The following DENND1A variants were observed in gnomAD, a reference collection of about 807,000 sequenced individuals.
The protein encoded by DENND1A is DENN domain containing 1A.
In DENND1A, 51 loss-of-function variants were observed where a neutral mutation model predicts 113.7. The ratio of observed to expected loss-of-function variants is 0.45; its 90% CI spans 0.36 to 0.57. The LOEUF is 0.57. Among genes scored for constraint, DENND1A ranks in the 20% least tolerant of loss-of-function variants. The pLI is 0.00. For missense variants in DENND1A, 1,258 were observed against 1,395.9 expected (o/e 0.90, Z 1.57); for synonymous variants, 565 against 570.8 (o/e 0.99, Z 0.14).
At chr9:123,513,459 A>T (rs1371221191) in intron 13 of DENND1A, among the ~76,000 whole-genome samples, 3 of 152,220 alleles carry the variant, frequency 2.0e-5, no homozygotes, top group Non-Finnish European at 4.4e-5. Flanking sequence ...TTCTCTACAG[A>T]CTTGAGTGCT....
intron 9 of DENND1A, among the ~76,000 whole-genome samples, chr9:123,645,061 TA>T (rs1330232062): frequency 6.6e-6 from 1 of 152,202 alleles, no homozygotes; most frequent in African/African-American, 2.4e-5. Context: ...TTATCATTTA[TA>T]AAGGAAAACA....
intron 11 of DENND1A, among the ~76,000 whole-genome samples, chr9:123,595,471 G>A (rs985606044): frequency 1.3e-5 from 2 of 152,110 alleles, no homozygotes; most frequent in Non-Finnish European, 2.9e-5. Context: ...GGGGCTCCCC[G>A]CCTCTCCTTG....
At chr9:123,858,421 T>C (rs1844590670) in intron 2 of DENND1A, among the ~76,000 whole-genome samples, 1 of 152,196 alleles carries the variant, frequency 6.6e-6, no homozygotes, top group Non-Finnish European at 1.5e-5. Flanking sequence ...CTTTAAAAAA[T>C]ACTCAGATTT....
At chr9:123,627,279 G>T (rs1457034331) in intron 10 of DENND1A, among the ~76,000 whole-genome samples, 1 of 152,226 alleles carries the variant, frequency 6.6e-6, no homozygotes, top group East Asian at 1.9e-4. Context: ...CAGCCTGCAG[G>T]GAACTGGTGA....
intron 12 of DENND1A, among the ~76,000 whole-genome samples, chr9:123,576,060 C>T (rs1157539395): frequency 6.6e-6 from 1 of 152,140 alleles, no homozygotes; most frequent in African/African-American, 2.4e-5. Flanking sequence ...ATGTTTTGGA[C>T]CTTCAATACT....
chr9:123,605,583 G>C (rs2060118553), intron 11 of DENND1A, among the ~76,000 whole-genome samples: 1 of 152,194 alleles, frequency 6.6e-6, no homozygotes, highest in Admixed American at 6.5e-5. Flanking sequence ...GCTTAAATGA[G>C]AGAGAAACTA....
In DENND1A at chr9:123,435,152, C is replaced by T. The variant is rs117029413; in HGVS notation, c.1488+5208G>A. Among the ~76,000 whole-genome samples, 363 of 152,196 alleles carry T rather than the reference C, an allele frequency of 2.4e-3. 2 individuals carry two copies. The highest frequency in any genetic ancestry group is 4.3e-3 in the Non-Finnish European group (295 of 68,004). ...GCAGTATCCTGAGAACATGGGAGCA[C>T]CTGCTGGAGGTGGTGAGGAGGCAAT... On this transcript the variant is annotated intron_variant, in intron 19 of 23. Transcript: ENST00000394215.
chr9:123,626,469 C>T (rs981700512), intron 10 of DENND1A, among the ~76,000 whole-genome samples: 2 of 151,910 alleles, frequency 1.3e-5, no homozygotes, highest in Non-Finnish European at 2.9e-5. Context: ...TTTTCTCACT[C>T]TCTCTCTCCC....
intron 13 of DENND1A, chr9:123,493,199 C>T (rs1281475402): frequency 6.6e-6 from 1 of 152,330 alleles, no homozygotes; most frequent in Non-Finnish European, 1.5e-5. Context: ...ATGACTAAGA[C>T]ACGGCTTCAT....
intron 13 of DENND1A, among the ~76,000 whole-genome samples, chr9:123,523,427 A>G (rs2054555136): frequency 6.6e-6 from 1 of 152,208 alleles, no homozygotes; most frequent in Non-Finnish European, 1.5e-5. Context: ...TTACTGCTAC[A>G]CAGATAATAC....
intron 2 of DENND1A, among the ~76,000 whole-genome samples, chr9:123,797,360 C>G (rs1833939982): frequency 6.6e-6 from 1 of 152,158 alleles, no homozygotes; most frequent in Non-Finnish European, 1.5e-5. Flanking sequence ...ACTGCTCTTT[C>G]ACTAATGACA....
chr9:123,725,456 T>C (rs1268168375), intron 5 of DENND1A, among the ~76,000 whole-genome samples: 1 of 152,252 alleles, frequency 6.6e-6, no homozygotes, highest in Non-Finnish European at 1.5e-5. Flanking sequence ...ACACTCCCTA[T>C]AATTCAAACC....
At chr9:123,773,797 T>C (rs914487055) in intron 3 of DENND1A, among the ~76,000 whole-genome samples, 2 of 152,184 alleles carry the variant, frequency 1.3e-5, no homozygotes, top group Admixed American at 6.5e-5. Context: ...AGAGTGATTA[T>C]AGTGTCCACT....
chr9:123,623,930 A>G (rs1435316482), intron 10 of DENND1A, among the ~76,000 whole-genome samples: 2 of 152,300 alleles, frequency 1.3e-5, no homozygotes, highest in African/African-American at 2.4e-5. Context: ...GCGCCATGTA[A>G]AAAGCTCTTA....
intron 3 of DENND1A, among the ~76,000 whole-genome samples, chr9:123,778,854 T>C (rs904960218): frequency 7.9e-5 from 12 of 152,140 alleles, no homozygotes; most frequent in South Asian, 4.1e-4. Flanking sequence ...AAAGGTAAAA[T>C]GCCAATGCCA....
At chr9:123,682,250 T>C (rs972638306) in intron 5 of DENND1A, among the ~76,000 whole-genome samples, 2 of 152,110 alleles carry the variant, frequency 1.3e-5, no homozygotes, top group East Asian at 3.8e-4. Context: ...GCAATAAAAT[T>C]TTAGGATGTA....
chr9:123,864,175 T>C (rs1845491848), intron 2 of DENND1A, among the ~76,000 whole-genome samples: 1 of 152,204 alleles, frequency 6.6e-6, no homozygotes, highest in African/African-American at 2.4e-5. Flanking sequence ...ATTAGTATTT[T>C]ATTTAATCCT....
chr9:123,418,352 T>A (rs955365079), intron 19 of DENND1A, among the ~76,000 whole-genome samples: 1 of 152,230 alleles, frequency 6.6e-6, no homozygotes, highest in African/African-American at 2.4e-5. Flanking sequence ...GGCATCTCTA[T>A]CTGTCAGCTG....
chr9:123,399,760 A>G (rs1230902211), intron 21 of DENND1A, among the ~76,000 whole-genome samples: 1 of 152,216 alleles, frequency 6.6e-6, no homozygotes, highest in Non-Finnish European at 1.5e-5. Context: ...AAGCCAGACT[A>G]AAGATGAACC....
Sources: gnomAD v4.1 joint callset for allele counts (sites outside exome capture counted in the v4.1 genomes callset) on GRCh38, gnomAD v4.1.1 for gene constraint, MANE v1.5 for transcripts, NCBI Gene and HGNC (gene_info 2026-07-23, HGNC 2026-07-21) for gene names.